GALNT2: variants seen among roughly 807,000 people sequenced by gnomAD.
GALNT2 encodes UDP-GalNAc:polypeptide N-acetylgalactosaminyltransferase 2.
GALNT2 carries 31 observed loss-of-function variants against 81.4 expected under a neutral mutation model. The observed-to-expected ratio is 0.38, with a 90% CI of 0.29 to 0.51. The LOEUF (loss-of-function observed/expected upper bound fraction) is 0.51, where lower values mean the gene tolerates loss of function less well. Among genes scored for constraint, GALNT2 ranks in the 20% least tolerant of loss-of-function variants. The probability of loss-of-function intolerance (pLI) is 0.87; values close to 1 mark genes in which losing one functional copy is unlikely to be tolerated. For synonymous variants in GALNT2, 303 were observed against 287.4 expected (o/e 1.05, Z -0.55); for missense variants, 629 against 765.7 (o/e 0.82, Z 2.11).
chr1:230,232,981 T>G (rs991741791), intron 3 of GALNT2, among the ~76,000 whole-genome samples: 2 of 152,206 alleles, frequency 1.3e-5, no homozygotes, highest in African/African-American at 4.8e-5. Context: ...AAGAAGCCCA[T>G]TTTGTGATTC....
intron 1 of GALNT2, among the ~76,000 whole-genome samples, chr1:230,140,504 G>A (rs995191037): frequency 2.0e-5 from 3 of 152,224 alleles, no homozygotes; most frequent in African/African-American, 4.8e-5. Flanking sequence ...GACTTCCCGT[G>A]AAGCTGCTGT....
At chr1:230,075,814 T>G (rs932801887) in intron 1 of GALNT2, among the ~76,000 whole-genome samples, 1 of 152,058 alleles carries the variant, frequency 6.6e-6, no homozygotes, top group African/African-American at 2.4e-5. Context: ...AGTTGCAGTA[T>G]TAAAGTGGTG....
intron 1 of GALNT2, among the ~76,000 whole-genome samples, chr1:230,093,082 A>G (rs1660143357): frequency 6.6e-6 from 1 of 152,196 alleles, no homozygotes; most frequent in Admixed American, 6.5e-5. Flanking sequence ...GTCCCCCTAT[A>G]CATTTCAGCT....
intron 1 of GALNT2, among the ~76,000 whole-genome samples, chr1:230,111,496 A>G (rs1270727486): frequency 6.6e-6 from 1 of 152,238 alleles, no homozygotes. Flanking sequence ...GTTCAAAAGC[A>G]TGGTCTGAGA....
intron 1 of GALNT2, among the ~76,000 whole-genome samples, chr1:230,116,542 T>G (rs1660854334): frequency 6.6e-6 from 1 of 152,192 alleles, no homozygotes; most frequent in Admixed American, 6.5e-5. Flanking sequence ...AATGTATTTC[T>G]TAAACAAGAC....
chr1:230,247,781 G>GA (rs913505478), intron 8 of GALNT2, among the ~76,000 whole-genome samples: 22 of 151,706 alleles, frequency 1.5e-4, no homozygotes, highest in African/African-American at 5.3e-4. Flanking sequence ...AATTCCTTTA[G>GA]AAAAAAAATC....
intron 1 of GALNT2, among the ~76,000 whole-genome samples, chr1:230,154,878 T>C (rs1662198653): frequency 6.6e-6 from 1 of 152,208 alleles, no homozygotes; most frequent in Admixed American, 6.5e-5. Context: ...ACTCAGGTAG[T>C]CTCTGTCAGG....
Position 230,193,226 on chromosome 1 carries a change from C to T in GALNT2, c.221-9911C>T, listed in dbSNP as rs1238836767. ...ATTTGAATGAAGAGTTGCAGTACAG[C>T]AGTGAATACCTGTATAGAATCCTGA... On this transcript the variant is annotated intron_variant, in intron 2 of 15. Transcript: ENST00000366672. The surrounding 1 kb of genome is among the most constrained non-coding windows in gnomAD (Gnocchi z 4.3). 3.9e-5 allele frequency among the ~76,000 whole-genome samples: 6 copies of T among 152,174 alleles called. No homozygotes were observed. The highest frequency in any genetic ancestry group is 2.6e-4 in the Admixed American group (4 of 15,270).
At position 230,086,777 on chromosome 1, in the gene GALNT2, G is replaced by A. The variant is rs536743042; in HGVS notation, c.126+19371G>A. On this transcript the variant is annotated intron_variant, in intron 1 of 15. Transcript: ENST00000366672. ...CACAGCCCTTTGTACTCAGTGGTGC[G>A]TCCGTCATGCTGTTTGTGCTATTGG... Among the ~76,000 whole-genome samples, 7 of 152,222 alleles carry A rather than the reference G, an allele frequency of 4.6e-5. No individual in the cohort carries two copies. In the East Asian group the frequency reaches 5.8e-4, roughly 13 times the overall value.
intron 1 of GALNT2, among the ~76,000 whole-genome samples, chr1:230,079,704 A>G (rs1282029131): frequency 6.6e-6 from 1 of 152,198 alleles, no homozygotes; most frequent in Non-Finnish European, 1.5e-5. Flanking sequence ...AGAAGCAGAG[A>G]GCCGGGAGGA....
chr1:230,121,277 G>A (rs1483430542), intron 1 of GALNT2, among the ~76,000 whole-genome samples: 2 of 152,230 alleles, frequency 1.3e-5, no homozygotes, highest in African/African-American at 4.8e-5. Flanking sequence ...CTTTGTATGG[G>A]TCCCTGGACC....
intron 1 of GALNT2, among the ~76,000 whole-genome samples, chr1:230,089,881 C>G (rs1660013790): frequency 6.6e-6 from 1 of 152,100 alleles, no homozygotes; most frequent in Admixed American, 6.6e-5. Context: ...CCTTCGAGAC[C>G]CTGCTTTTCA....
chr1:230,084,207 G>T (rs1659833515), intron 1 of GALNT2, among the ~76,000 whole-genome samples: 1 of 152,202 alleles, frequency 6.6e-6, no homozygotes, highest in South Asian at 2.1e-4. Context: ...GCTAACATGG[G>T]CCCAGGGATG....
chr1:230,123,468 C>T (rs180945508), intron 1 of GALNT2, among the ~76,000 whole-genome samples: 58 of 152,206 alleles, frequency 3.8e-4, no homozygotes, highest in African/African-American at 1.3e-3. Context: ...GTGTGAGTTC[C>T]AGGGTTCGAA....
chr1:230,241,663 T>C (rs1202459944), intron 6 of GALNT2, among the ~76,000 whole-genome samples: 1 of 151,834 alleles, frequency 6.6e-6, no homozygotes, highest in Admixed American at 6.6e-5. Context: ...GCTAGGCTGG[T>C]CTTGAACTCC....
chr1:230,090,347 G>A (rs563498330), intron 1 of GALNT2, among the ~76,000 whole-genome samples: 9 of 152,226 alleles, frequency 5.9e-5, no homozygotes, highest in South Asian at 2.1e-4. Flanking sequence ...AAACATAACC[G>A]TGTCTTCCAG....
Position 230,117,641 on chromosome 1 carries a change from C to G in GALNT2, c.126+50235C>G, listed in dbSNP as rs112428636. Among the ~76,000 whole-genome samples the G allele has an allele frequency of 1.9e-3, 294 of 152,268 alleles. 1 individual carries two copies. The Middle Eastern group carries it at 0.024, about 12-fold the overall frequency. On this transcript the variant is annotated intron_variant, in intron 1 of 15. Transcript: ENST00000366672. ...AGTCAGAACACACACCATGTTTATCCATTAAGTTTGCCATTTTGTATGGTT... is the reference window on the plus strand; with the variant it reads ...AGTCAGAACACACACCATGTTTATCGATTAAGTTTGCCATTTTGTATGGTT...
rs1659344092 is a variant in GALNT2, at chr1:230,070,640, G to A, written c.126+3234G>A. 1.3e-5 allele frequency among the ~76,000 whole-genome samples: 2 copies of A among 152,072 alleles called. No individual in the cohort carries two copies. Among genetic ancestry groups the A allele is most frequent in the South Asian group, 4.1e-4 (2 of 4,834 alleles). ...TCCCTGAGCTGGCACGAGTCCTGTG[G>A]CCCTTGCCCGAGAGTCCAAGGGTGG... On this transcript the variant is annotated intron_variant, in intron 1 of 15. Transcript: ENST00000366672. This position sits in a 1 kb window ranked among gnomAD's most constrained non-coding sequence, Gnocchi z 4.7.
chr1:230,155,862 T>C (rs180670952), intron 1 of GALNT2, among the ~76,000 whole-genome samples: 8 of 152,030 alleles, frequency 5.3e-5, no homozygotes, highest in Admixed American at 4.6e-4. Flanking sequence ...GAGTTCTGAG[T>C]GGAGGACAAA....
Sources: gnomAD v4.1 joint callset for allele counts (sites outside exome capture counted in the v4.1 genomes callset) on GRCh38, gnomAD v4.1.1 for gene constraint, Gnocchi (gnomAD v3.1) non-coding constraint, MANE v1.5 for transcripts, NCBI Gene and HGNC (gene_info 2026-07-23, HGNC 2026-07-21) for gene names.